ITGA1: variants seen among roughly 807,000 people sequenced by gnomAD.
ITGA1 encodes integrin subunit alpha 1, also known as integrin alpha-1.
Under a neutral mutation model 145.9 loss-of-function variants are expected in ITGA1, and 85 were observed. The ratio of observed to expected loss-of-function variants is 0.58; its 90% CI spans 0.49 to 0.70. The LOEUF is 0.70. ITGA1 is among the 30% of genes least tolerant of loss of function. ITGA1 has a pLI of 0.00. For synonymous variants in ITGA1, 520 were observed against 495.3 expected, an observed-to-expected ratio of 1.05 and a Z score of -0.66; for missense variants, 1,351 against 1,418.7, an observed-to-expected ratio of 0.95 and a Z score of 0.77.
Position 52,887,152 on chromosome 5 carries a change from G to A in ITGA1, c.774-663G>A, listed in dbSNP as rs139364997. Among the ~76,000 whole-genome samples the A allele has an allele frequency of 6.2e-4, 95 of 152,222 alleles. 1 individual carries two copies. In the East Asian group the frequency reaches 0.017, roughly 27 times the overall value. ...TGCTAACACATAGTTCAGGCCAAAT[G>A]TTTTGTAACTCCTTCAACCACTTTT... On this transcript the variant is annotated intron_variant, in intron 7 of 28. Coordinates refer to ENST00000282588, the MANE Select transcript of ITGA1 (RefSeq NM_181501.2).
At chr5:52,857,256 G>C (rs112218340) in intron 2 of ITGA1, among the ~76,000 whole-genome samples, 20 of 152,040 alleles carry the variant, frequency 1.3e-4, no homozygotes, top group Non-Finnish European at 2.6e-4. Flanking sequence ...GCTGCTCAGC[G>C]TGCTGCCTAG....
At chr5:52,796,374 A>G (rs1161552081) in intron 1 of ITGA1, among the ~76,000 whole-genome samples, 1 of 151,974 alleles carries the variant, frequency 6.6e-6, no homozygotes, top group East Asian at 1.9e-4. Flanking sequence ...AGATATAATT[A>G]AAGTTACTGA....
intron 1 of ITGA1, among the ~76,000 whole-genome samples, chr5:52,814,250 G>T (rs560495652): frequency 1.1e-3 from 170 of 152,270 alleles, no homozygotes; most frequent in African/African-American, 3.9e-3. Flanking sequence ...GGGTTCAAGC[G>T]ATTCTTGTTC....
chr5:52,809,191 T>C (rs2111681490), intron 1 of ITGA1, among the ~76,000 whole-genome samples: 1 of 152,308 alleles, frequency 6.6e-6, no homozygotes, highest in Non-Finnish European at 1.5e-5. Flanking sequence ...AATCATGTAC[T>C]AAGTACCTAC....
In ITGA1 at chr5:52,865,691, A is replaced by C; in HGVS notation, c.498A>C (p.Glu166Asp). 6.5e-7 allele frequency: 1 copy of C among 1,546,954 alleles called. No homozygotes were observed. Among genetic ancestry groups the C allele is most frequent in the South Asian group, 1.2e-5 (1 of 80,016 alleles). Residue 166 changes from glutamate (E) to aspartate (D), a missense_variant and splice_region_variant, in exon 6 of 29, where the codon GAA (glutamate) becomes GAC (aspartate). Coordinates refer to ENST00000282588, the MANE Select transcript of ITGA1 (RefSeq NM_181501.2). ...QVVNSIAPVQECSTQLDIVIV... is the reference protein window; with the variant it reads ...QVVNSIAPVQDCSTQLDIVIV... ...GACAATTGACTCCTTTTATTGCAGA[A>C]TGCAGCACTCAACTGGACATAGTCA... is the stretch of plus-strand genomic sequence containing the variant.
chr5:52,847,579 G>T (rs1387628648), intron 1 of ITGA1, among the ~76,000 whole-genome samples: 1 of 152,176 alleles, frequency 6.6e-6, no homozygotes, highest in Non-Finnish European at 1.5e-5. Context: ...GTTTGAGACA[G>T]TCTTTCTCTG....
At chr5:52,838,618 A>C (rs1222224438) in intron 1 of ITGA1, among the ~76,000 whole-genome samples, 1 of 152,222 alleles carries the variant, frequency 6.6e-6, no homozygotes, top group African/African-American at 2.4e-5. Context: ...AGGTCAAACT[A>C]AATCTAATAC....
intron 11 of ITGA1, chr5:52,903,319 A>C (rs1750346392): frequency 1.3e-5 from 2 of 152,144 alleles, no homozygotes; most frequent in Non-Finnish European, 2.9e-5. Flanking sequence ...TTCATTTTGC[A>C]CATTCTTCTT....
Position 52,920,430 on chromosome 5 carries a change from C to A in ITGA1, c.2254C>A (p.Arg752=). 1.9e-6 allele frequency: 3 copies of A among 1,609,122 alleles called. No individual in the cohort carries two copies. The highest frequency in any genetic ancestry group is 2.5e-6 in the Non-Finnish European group (3 of 1,178,002). The stretch of plus-strand genomic sequence containing the variant: ...AAAGGTTCAAAGGAACATCACAGTT[C>A]GAAAATCAGAATGCACTAAGCACTC... ...ERKVQRNITV[R]KSECTKHSFY... is the part of the protein sequence containing the mutation. Residue 752 remains arginine, a synonymous_variant, in exon 17 of 29, where the codon CGA becomes AGA. Transcript: ENST00000282588.
intron 1 of ITGA1, among the ~76,000 whole-genome samples, chr5:52,825,787 G>A (rs975736717): frequency 5.3e-5 from 8 of 152,010 alleles, no homozygotes; most frequent in South Asian, 2.1e-4. Context: ...GCGTGGTGGC[G>A]CCTGCCTGTA....
chr5:52,880,839 T>C (rs1226004329), intron 6 of ITGA1, among the ~76,000 whole-genome samples: 1 of 152,200 alleles, frequency 6.6e-6, no homozygotes, highest in Non-Finnish European at 1.5e-5. Flanking sequence ...CAAAAAGTCA[T>C]CTTCAGTCAC....
intron 1 of ITGA1, among the ~76,000 whole-genome samples, chr5:52,807,722 TAGAA>T (rs1210367717): frequency 1.3e-5 from 2 of 152,162 alleles, no homozygotes; most frequent in South Asian, 2.1e-4. Flanking sequence ...AGTGGAGAAT[TAGAA>T]AGCAGAGAAA....
chr5:52,911,450 CTATA>C (rs1164275899), intron 14 of ITGA1, among the ~76,000 whole-genome samples: 4 of 125,888 alleles, frequency 3.2e-5, no homozygotes, highest in Non-Finnish European at 6.5e-5. Context: ...TATAGATACA[CTATA>C]TATAGTGTAT....
intron 1 of ITGA1, among the ~76,000 whole-genome samples, chr5:52,835,801 A>T (rs556114311): frequency 3.9e-5 from 6 of 152,318 alleles, no homozygotes; most frequent in Admixed American, 3.3e-4. Context: ...TCACAACTTA[A>T]AAGCAAGGAG....
intron 24 of ITGA1, among the ~76,000 whole-genome samples, chr5:52,937,889 C>G (rs549758588): frequency 6.6e-6 from 1 of 152,286 alleles, no homozygotes; most frequent in South Asian, 2.1e-4. Flanking sequence ...GGCAGCATAG[C>G]TCCTATCTCT....
chr5:52,824,020 G>A (rs1748919974), intron 1 of ITGA1, among the ~76,000 whole-genome samples: 2 of 152,120 alleles, frequency 1.3e-5, no homozygotes, highest in South Asian at 4.1e-4. Flanking sequence ...CTTACTTTAA[G>A]AGTGCTATAT....
intron 28 of ITGA1, among the ~76,000 whole-genome samples, chr5:52,949,457 C>T (rs1475620710): frequency 6.6e-6 from 1 of 152,092 alleles, no homozygotes; most frequent in Non-Finnish European, 1.5e-5. Context: ...TCTTTTCGAC[C>T]AAGTATTTTA....
In ITGA1 at chr5:52,954,900, T is replaced by G. The variant is rs1213846059; in HGVS notation, c.*2449T>G. The G allele has an allele frequency of 2.9e-4, 44 of 152,180 alleles. No homozygotes were observed. Among genetic ancestry groups the G allele is most frequent in the Non-Finnish European group, 1.3e-4 (9 of 68,020 alleles). 9.4% of individuals were successfully genotyped at this position (152,180 alleles called of 1,614,324 possible). ...TCAAAACAGCTTTGTACAAATGTTA[T>G]AAAACATATTTAATGATTAAGAAAT... On this transcript the variant is annotated 3_prime_UTR_variant, in exon 29 of 29. Coordinates refer to ENST00000282588, the MANE Select transcript of ITGA1 (RefSeq NM_181501.2).
chr5:52,829,149 T>G (rs969646254), intron 1 of ITGA1, among the ~76,000 whole-genome samples: 2 of 152,120 alleles, frequency 1.3e-5, no homozygotes, highest in African/African-American at 4.8e-5. Flanking sequence ...CAAATTTGTG[T>G]GGGGGAACAC....
Sources: gnomAD v4.1 joint callset for allele counts (sites outside exome capture counted in the v4.1 genomes callset) on GRCh38, gnomAD v4.1.1 for gene constraint, MANE v1.5 for transcripts, NCBI Gene and HGNC (gene_info 2026-07-23, HGNC 2026-07-21) for gene names.